Variants in PUDP observed in about 807,000 individuals in gnomAD.
The protein encoded by PUDP is pseudouridine-5'-phosphatase.
In PUDP, 8 loss-of-function variants were observed where a neutral mutation model predicts 9.4. The ratio of observed to expected loss-of-function variants is 0.85; its 90% CI spans 0.50 to 1.53. The LOEUF is 1.53. Ranked by LOEUF, PUDP falls within the 40% of genes most tolerant of loss-of-function variation. The pLI is 0.00. For synonymous variants in PUDP, 99 were observed against 80.7 expected, an observed-to-expected ratio of 1.23 and a Z score of -1.22; for missense variants, 188 against 189.7, an observed-to-expected ratio of 0.99 and a Z score of 0.05.
At chrX:7,130,448 C>T (rs1932590600) in intron 1 of PUDP, among the ~76,000 whole-genome samples, 2 of 110,946 alleles carry the variant, frequency 1.8e-5, no homozygotes, top group Non-Finnish European at 3.8e-5. Flanking sequence ...CCAGACCCTT[C>T]CTAGGCTAAT....
intron 3 of PUDP, among the ~76,000 whole-genome samples, chrX:6,895,092 C>A (rs1411731694): frequency 9.1e-6 from 1 of 109,978 alleles, no homozygotes; most frequent in Admixed American, 9.9e-5. Context: ...GGCTGACTGT[C>A]GGTCCTGAGG....
intron 1 of PUDP, among the ~76,000 whole-genome samples, chrX:6,981,969 A>G (rs1277715669): frequency 3.7e-5 from 4 of 108,123 alleles, no homozygotes; most frequent in Admixed American, 1.0e-4. Flanking sequence ...AGAAATGAGG[A>G]CTTACAGACA....
At chrX:6,950,368 T>C (rs1408432603) in intron 3 of PUDP, among the ~76,000 whole-genome samples, 1 of 105,437 alleles carries the variant, frequency 9.5e-6, no homozygotes, top group Non-Finnish European at 1.9e-5. Context: ...GGAGTCATAG[T>C]TTTATAACTT....
At chrX:7,064,771 T>C (rs1272031773) in intron 3 of PUDP, among the ~76,000 whole-genome samples, 1 of 112,079 alleles carries the variant, frequency 8.9e-6, no homozygotes, top group African/African-American at 3.2e-5. Flanking sequence ...ATACTCTGGA[T>C]GAGCCACAGA....
At chrX:7,001,880 A>G (rs1464856936) in intron 1 of PUDP, among the ~76,000 whole-genome samples, 2 of 111,936 alleles carry the variant, frequency 1.8e-5, no homozygotes, top group Non-Finnish European at 3.8e-5. Flanking sequence ...AATTTAGGGG[A>G]CAATCTCATG....
At chrX:7,028,838 G>A (rs1198718672) in intron 1 of PUDP, among the ~76,000 whole-genome samples, 2 of 111,795 alleles carry the variant, frequency 1.8e-5, no homozygotes, top group African/African-American at 6.5e-5. Flanking sequence ...CTGGAGGCTG[G>A]AAATCTGAGA....
chrX:6,813,931 G>A, intron 3 of PUDP, among the ~76,000 whole-genome samples: 1 of 111,659 alleles, frequency 9.0e-6, no homozygotes, highest in Non-Finnish European at 1.9e-5. Context: ...ACGTGAAGGA[G>A]TCACATCTGG....
intron 3 of PUDP, among the ~76,000 whole-genome samples, chrX:6,958,063 G>A (rs1292895384): frequency 1.8e-5 from 2 of 112,080 alleles, no homozygotes; most frequent in African/African-American, 3.2e-5. Flanking sequence ...AAGGGTACAC[G>A]CTCCAGCAGT....
At chrX:6,793,020 G>T (rs760059461) in intron 3 of PUDP, among the ~76,000 whole-genome samples, 3 of 112,467 alleles carry the variant, frequency 2.7e-5, no homozygotes, top group Non-Finnish European at 5.6e-5. Context: ...CACTCACTCT[G>T]GACTGGGTAA....
At chrX:6,915,676 G>T (rs2146760109) in intron 3 of PUDP, among the ~76,000 whole-genome samples, 1 of 111,780 alleles carries the variant, frequency 8.9e-6, no homozygotes, top group Non-Finnish European at 1.9e-5. Flanking sequence ...TATATGTTTT[G>T]TTTACCCTAC....
intron 3 of PUDP, among the ~76,000 whole-genome samples, chrX:6,951,521 A>G (rs1928559371): frequency 8.9e-6 from 1 of 111,814 alleles, no homozygotes; most frequent in South Asian, 3.8e-4. Flanking sequence ...TGGGAACTGG[A>G]GCTTCTATTT....
intron 3 of PUDP, among the ~76,000 whole-genome samples, chrX:6,752,741 T>C (rs1186676254): frequency 9.0e-6 from 1 of 110,873 alleles, no homozygotes; most frequent in Non-Finnish European, 1.9e-5. Flanking sequence ...TGGTGCCATT[T>C]ACTGAGATAA....
chrX:6,858,252 G>A (rs1043774253), intron 3 of PUDP, among the ~76,000 whole-genome samples: 3 of 110,883 alleles, frequency 2.7e-5, no homozygotes, highest in African/African-American at 9.8e-5. Flanking sequence ...CATGGGGAGA[G>A]GGTACGGAAG....
At chrX:6,977,773 G>A (rs1569134295) in intron 2 of PUDP, among the ~76,000 whole-genome samples, 1 of 112,418 alleles carries the variant, frequency 8.9e-6, no homozygotes, top group African/African-American at 3.2e-5. Context: ...TATCTGGCCT[G>A]GCCATAGGAA....
intron 1 of PUDP, among the ~76,000 whole-genome samples, chrX:7,029,641 G>T (rs1415068925): frequency 3.6e-5 from 4 of 111,945 alleles, no homozygotes; most frequent in Non-Finnish European, 7.5e-5. Flanking sequence ...GATTACAGTG[G>T]TGGGGAGAAA....
chrX:6,807,453 C>G (rs1398448238), intron 3 of PUDP, among the ~76,000 whole-genome samples: 1 of 112,389 alleles, frequency 8.9e-6, no homozygotes, highest in Admixed American at 9.4e-5. Flanking sequence ...ATTTAGCTTC[C>G]CCTCTCGTAC....
chrX:7,113,003 T>G (rs1272885079), intron 1 of PUDP: 8 of 112,350 alleles, frequency 7.1e-5, no homozygotes, highest in African/African-American at 2.6e-4. Flanking sequence ...AAAAGAGGTT[T>G]CTTCAAAAAG....
chrX:6,807,939 G>A (rs1398770272), intron 3 of PUDP, among the ~76,000 whole-genome samples: 1 of 112,116 alleles, frequency 8.9e-6, no homozygotes, highest in Admixed American at 9.5e-5. Flanking sequence ...AAATTTGACT[G>A]TAGAAAATAT....
At position 6,944,243 on chromosome X, in the gene PUDP, T is replaced by C. The variant is rs186132027; in HGVS notation, c.*247+32890A>G. Among the ~76,000 whole-genome samples, 342 of 111,435 alleles carry C rather than the reference T, an allele frequency of 3.1e-3. 1 individual carries two copies. The highest frequency in any genetic ancestry group is 4.8e-3 in the Non-Finnish European group (253 of 53,048). On this transcript the variant is annotated intron_variant and NMD_transcript_variant, in intron 3 of 3. Coordinates refer to the PUDP transcript ENST00000655425. ...GGGGTTCTCTCTCTCTCCTGCCACC[T>C]TGTGAAGAAGTTGCTTGCTTCCTCT...
Sources: gnomAD v4.1 joint callset for allele counts (sites outside exome capture counted in the v4.1 genomes callset) on GRCh38, gnomAD v4.1.1 for gene constraint, MANE v1.5 for transcripts, NCBI Gene and HGNC (gene_info 2026-07-23, HGNC 2026-07-21) for gene names.